The following CHD8 variants were observed in gnomAD, a reference collection of about 807,000 sequenced individuals.
CHD8 encodes the protein ATP-dependent chromatin remodeler CHD8.
CHD8 carries 31 observed loss-of-function variants against 279.2 expected under a neutral mutation model. The ratio of observed to expected loss-of-function variants is 0.11; its 90% CI spans 0.08 to 0.15. The LOEUF (loss-of-function observed/expected upper bound fraction) is 0.15, where lower values mean the gene tolerates loss of function less well. Among genes scored for constraint, CHD8 ranks in the 10% least tolerant of loss-of-function variants. CHD8 has a pLI of 1.00. For missense variants in CHD8, 2,146 were observed against 3,230.5 expected (o/e 0.66, Z 8.14); for synonymous variants, 1,081 against 1,139.6 (o/e 0.95, Z 1.04).
chr14:21,414,906 G>C, intron 8 of CHD8, 32 bp downstream of exon 8: 2 of 1,564,178 alleles, frequency 1.3e-6, no homozygotes, highest in South Asian at 2.3e-5. Flanking sequence ...TGTGGAATTT[G>C]GGGTGACAAG....
At position 21,403,436 on chromosome 14, in the gene CHD8, G is replaced by A. The variant is rs1166443583; in HGVS notation, c.3518+17C>T. 1.3e-6 allele frequency: 2 copies of A among 1,588,102 alleles called. No homozygotes were observed. Among genetic ancestry groups the A allele is most frequent in the Admixed American group, 3.4e-5 (2 of 59,190 alleles). ...TGAGGACAGAGTAACCACAGGCTAG[G>A]ATGACTCTTTTCTTACCTCCTCTGG... On this transcript the variant is annotated intron_variant, in intron 17 of 37. Transcript: ENST00000646647. The surrounding 1 kb of genome is among the most constrained non-coding windows in gnomAD (Gnocchi z 4.3).
In CHD8 at chr14:21,405,651, C is replaced by G; in HGVS notation, c.3051+70G>C. The G allele has an allele frequency of 6.4e-7, 1 of 1,560,558 alleles. No individual in the cohort carries two copies. Among genetic ancestry groups the G allele is most frequent in the South Asian group, 1.2e-5 (1 of 85,930 alleles). On this transcript the variant is annotated intron_variant, in intron 15 of 37. Coordinates refer to ENST00000646647, the MANE Select transcript of CHD8 (RefSeq NM_001170629.2). This position sits in a 1 kb window ranked among gnomAD's most constrained non-coding sequence, Gnocchi z 4.2. ...AAGGCCCTTGAGATACCCATGACAACAGATGTCTGCCTTGTACAAACTTCA... is the reference window on the plus strand; with the variant it reads ...AAGGCCCTTGAGATACCCATGACAAGAGATGTCTGCCTTGTACAAACTTCA...
At position 21,405,105 on chromosome 14, in the gene CHD8, A is replaced by C; in HGVS notation, c.3307+104T>G. On this transcript the variant is annotated intron_variant, in intron 16 of 37. Transcript: ENST00000646647. The surrounding 1 kb of genome is among the most constrained non-coding windows in gnomAD (Gnocchi z 4.2). ...TCCCATTCCTCAGTCCGCACCCCAA[A>C]TTAGGTTGGTTGAGTCAATGCATCC... 6 of 1,142,220 alleles carry C rather than the reference A, an allele frequency of 5.3e-6. No individual in the cohort carries two copies. The South Asian group carries it at 9.0e-5, about 17-fold the overall frequency. 70.8% of individuals were successfully genotyped at this position (1,142,220 alleles called of 1,614,324 possible). A position where few individuals can be genotyped will look rare whatever the true frequency, so the allele number is the denominator to read the frequency against.
Position 21,451,667 on chromosome 14 carries a change from C to A in CHD8, c.-216+4365G>T, listed in dbSNP as rs576169743. On this transcript the variant is annotated intron_variant, in intron 1 of 37. Transcript: ENST00000646647. ...GGAATTTTTATTATCCTGTACCATA[C>A]AATTAATGGGTAGAAATTACGTGCT... Among the ~76,000 whole-genome samples, 8 of 146,468 alleles carry A rather than the reference C, an allele frequency of 5.5e-5. No individual in the cohort carries two copies. In the South Asian group the frequency reaches 1.8e-3, roughly 32 times the overall value.
chr14:21,410,059 T>A, intron 10 of CHD8, 71 bp from the exon 11 acceptor site: 1 of 1,437,568 alleles, frequency 7.0e-7, no homozygotes, highest in Non-Finnish European at 9.4e-7. Flanking sequence ...GAATAAAAAT[T>A]TGATTGTAAA....
Position 21,391,966 on chromosome 14 carries a change from A to C in CHD8, c.6772-20T>G. On this transcript the variant is annotated intron_variant, in intron 34 of 37. Coordinates refer to ENST00000646647, the MANE Select transcript of CHD8 (RefSeq NM_001170629.2). ...TTCCTCCTAGGAAGACAACCCACCCACCCAAGACATCATATGGTACATGTT... is the reference window on the plus strand; with the variant it reads ...TTCCTCCTAGGAAGACAACCCACCCCCCCAAGACATCATATGGTACATGTT... The C allele has an allele frequency of 6.6e-7, 1 of 1,510,948 alleles. No individual in the cohort carries two copies. Among genetic ancestry groups the C allele is most frequent in the Non-Finnish European group, 9.2e-7 (1 of 1,086,428 alleles). The allele number at this position is 1,510,948 out of a possible 1,614,324, so 93.6% of individuals were successfully genotyped here. A position where few individuals can be genotyped will look rare whatever the true frequency, so the allele number is the denominator to read the frequency against.
chr14:21,403,894 T>C lies in CHD8; in HGVS notation c.3308-231A>G, dbSNP rs1053137734. On this transcript the variant is annotated intron_variant, in intron 16 of 37. Transcript: ENST00000646647. The surrounding 1 kb of genome is among the most constrained non-coding windows in gnomAD (Gnocchi z 4.3). ...CAGGTGGATCACTTGAGGTCAGGAGTTCGAGACCAGTCTGGCCAACATGGT... is the reference window on the plus strand; with the variant it reads ...CAGGTGGATCACTTGAGGTCAGGAGCTCGAGACCAGTCTGGCCAACATGGT... 2.6e-5 allele frequency among the ~76,000 whole-genome samples: 4 copies of C among 151,594 alleles called. No individual in the cohort carries two copies. Among genetic ancestry groups the C allele is most frequent in the African/African-American group, 9.7e-5 (4 of 41,186 alleles).
In CHD8 at chr14:21,393,790, T is replaced by C. The variant is rs1887651655; in HGVS notation, c.6005A>G (p.Asp2002Gly). The C allele has an allele frequency of 6.2e-7, 1 of 1,613,796 alleles. No homozygotes were observed. The highest frequency in any genetic ancestry group is 8.5e-7 in the Non-Finnish European group (1 of 1,179,878). The change falls in exon 32 of 38, where the codon GAT becomes GGT. Residue 2002 changes from aspartate to glycine, a missense_variant. This residue lies in a region of CHD8 where 513 missense variants were observed against 637.6 expected (regional missense o/e 0.80). Transcript: ENST00000646647. ...CTCGGGTGACTTTTCAACAGGAGCA[T>C]CTGGGCGCAGGGGCAGTGGTGAGGC... ...RTASPLPLRP[D>G]APVEKSPEET... is the part of the protein sequence containing the mutation.
chr14:21,419,312 G>A (rs10135022), intron 5 of CHD8, among the ~76,000 whole-genome samples: 140,724 of 152,278 alleles, frequency 0.92, 65,136 homozygotes, highest in African/African-American at 0.94. Flanking sequence ...TAATCCTAGC[G>A]CTTCGGGAGG....
chr14:21,422,172 C>T (rs1209379227), intron 5 of CHD8, among the ~76,000 whole-genome samples: 1 of 152,138 alleles, frequency 6.6e-6, no homozygotes, highest in Non-Finnish European at 1.5e-5. Flanking sequence ...GAAACTCCAT[C>T]TCTACTAAAA....
intron 1 of CHD8, among the ~76,000 whole-genome samples, chr14:21,442,022 T>G (rs1407986191): frequency 2.0e-5 from 3 of 152,242 alleles, no homozygotes; most frequent in South Asian, 4.1e-4. Flanking sequence ...TGAGAGTTAT[T>G]AGCAACTAAG....
At chr14:21,446,681 A>C (rs1237295036) in intron 1 of CHD8, among the ~76,000 whole-genome samples, 1 of 152,260 alleles carries the variant, frequency 6.6e-6, no homozygotes, top group Non-Finnish European at 1.5e-5. Flanking sequence ...ACTGAGGCAC[A>C]AAGAGATAAT....
chr14:21,425,947 A>AAAC (rs1290366647), intron 5 of CHD8, 181 bp downstream of exon 5: 15 of 557,422 alleles, frequency 2.7e-5, no homozygotes, highest in African/African-American at 1.4e-4. Flanking sequence ...AAGAAGAAGA[A>AAAC]AACAACAACA....
Position 21,402,083 on chromosome 14 carries a change from A to T in CHD8, c.3936T>A (p.Tyr1312Ter). The T allele has an allele frequency of 6.2e-7, 1 of 1,612,874 alleles. No homozygotes were observed. The highest frequency in any genetic ancestry group is 8.5e-7 in the Non-Finnish European group (1 of 1,179,602). The change falls in exon 20 of 38, where the codon TAT becomes TAA. Residue 1312 changes from tyrosine to a stop codon, truncating the protein, a stop_gained. Coordinates refer to ENST00000646647, the MANE Select transcript of CHD8 (RefSeq NM_001170629.2). LOFTEE classifies it high-confidence loss of function. This position sits in a 1 kb window ranked among gnomAD's most constrained non-coding sequence, Gnocchi z 4.5. ...CATCATCTTCCTCCATGATGGCTGC[A>T]TATGCTCCTTTTCTTAAAAGATCTT... ...EIEDLLRKGA[Y>*]AAIMEEDDEG...
intron 1 of CHD8, among the ~76,000 whole-genome samples, chr14:21,451,484 G>A (rs1169601525): frequency 7.0e-6 from 1 of 143,844 alleles, no homozygotes; most frequent in Non-Finnish European, 1.5e-5. Flanking sequence ...AGGCAGGAGA[G>A]TCACCTGAAC....
intron 3 of CHD8, among the ~76,000 whole-genome samples, chr14:21,428,621 G>A (rs1046923339): frequency 1.3e-5 from 2 of 152,152 alleles, no homozygotes; most frequent in African/African-American, 2.4e-5. Context: ...GGGGAGAGGG[G>A]AGGACTGATC....
chr14:21,391,690 G>GGT, intron 35 of CHD8, 48 bp from the exon 36 acceptor site: 1 of 1,075,234 alleles, frequency 9.3e-7, no homozygotes, highest in Non-Finnish European at 1.4e-6. Flanking sequence ...TTCTTTGGGG[G>GGT]AGGGAGGGAG....
At chr14:21,413,855 C>T (rs75342698) in intron 9 of CHD8, 1 of 154,824 alleles carries the variant, frequency 6.5e-6, no homozygotes, top group Non-Finnish European at 1.4e-5. Context: ...TATTTCTTCA[C>T]TCATCTTGCT....
At chr14:21,416,317 C>T (rs1888721159) in intron 5 of CHD8, 1 of 156,394 alleles carries the variant, frequency 6.4e-6, no homozygotes, top group Non-Finnish European at 1.4e-5. Context: ...ACAGAATCTA[C>T]TGTATGTACT....
Sources: gnomAD v4.1 joint callset for allele counts (sites outside exome capture counted in the v4.1 genomes callset) on GRCh38, gnomAD v4.1.1 for gene constraint, gnomAD v4.1.1 regional missense constraint, Gnocchi (gnomAD v3.1) non-coding constraint, MANE v1.5 for transcripts, NCBI Gene and HGNC (gene_info 2026-07-23, HGNC 2026-07-21) for gene names.